Variants in LRRTM2 observed in about 807,000 individuals in gnomAD.
The protein encoded by LRRTM2 is leucine rich repeat transmembrane neuronal 2, also known as leucine-rich repeat transmembrane neuronal protein 2.
Under a neutral mutation model 40.7 loss-of-function variants are expected in LRRTM2, and 14 were observed. The observed-to-expected ratio is 0.34, with a 90% CI of 0.23 to 0.54. The LOEUF is 0.54. Among genes scored for constraint, LRRTM2 ranks in the 20% least tolerant of loss-of-function variants. The probability of loss-of-function intolerance (pLI) is 0.92; values close to 1 mark genes in which losing one functional copy is unlikely to be tolerated. For missense variants in LRRTM2, 468 were observed against 624.4 expected, an observed-to-expected ratio of 0.75 and a Z score of 2.67; for synonymous variants, 223 against 237.6, an observed-to-expected ratio of 0.94 and a Z score of 0.57.
rs370259988 is a variant in LRRTM2 at position 138,872,027 on chromosome 5, A to AGTGTGTGTGTGTGT, written c.*969_*982dup. On this transcript the variant is annotated 3_prime_UTR_variant, in exon 2 of 2. Transcript: ENST00000274711. ...TGATAGTTGAGAGAGAGAGCGCGAG[A>AGTGTGTGTGTGTGT]GTGTGTGTGTGTGTGTGTGTGTGTG... The AGTGTGTGTGTGTGT allele has an allele frequency of 7.5e-6, 1 of 133,066 alleles. No individual in the cohort carries two copies. The highest frequency in any genetic ancestry group is 1.6e-5 in the Non-Finnish European group (1 of 61,996). 8.2% of individuals were successfully genotyped at this position (133,066 alleles called of 1,614,324 possible).
In LRRTM2 at chr5:138,873,612, C is replaced by G. The variant is rs370649836; in HGVS notation, c.949G>C (p.Ala317Pro). The change falls in exon 2 of 2, where the codon GCC becomes CCC. Residue 317 changes from alanine (A) to proline (P), a missense_variant. Ala to Pro is a conservative substitution (Grantham distance 27). Coordinates refer to ENST00000274711, the MANE Select transcript of LRRTM2 (RefSeq NM_015564.3). The surrounding 1 kb of genome is among the most constrained non-coding windows in gnomAD (Gnocchi z 6.1). ...GLSGNLWECS[A>P]RICALASWLG... ...CAGGAGGCCAGAGCACATATTCGGG[C>G]GCTGCATTCCCACAGATTGCCAGAG... 6.2e-7 allele frequency: 1 copy of G among 1,613,828 alleles called. No homozygotes were observed. Among genetic ancestry groups the G allele is most frequent in the African/African-American group, 1.3e-5 (1 of 74,910 alleles).
chr5:138,874,149 A>G lies in LRRTM2; in HGVS notation c.412T>C (p.Leu138=). 2 of 1,613,790 alleles carry G rather than the reference A, an allele frequency of 1.2e-6. No homozygotes were observed. Among genetic ancestry groups the G allele is most frequent in the Non-Finnish European group, 1.7e-6 (2 of 1,179,756 alleles). The change falls in exon 2 of 2, where the codon TTG becomes CTG. Residue 138 remains leucine, a synonymous_variant. Transcript: ENST00000274711. This position sits in a 1 kb window ranked among gnomAD's most constrained non-coding sequence, Gnocchi z 4.1. ...TFTQLINLQN[L]DLSFNQLSSL... is the part of the protein sequence containing the mutation. Reference sequence around the variant, plus strand: ...GACAGCTGATTAAAAGACAGGTCCAAATTTTGCAGGTTAATCAGTTGGGTA... The same window carrying G: ...GACAGCTGATTAAAAGACAGGTCCAGATTTTGCAGGTTAATCAGTTGGGTA...
In LRRTM2 at chr5:138,871,459, T is replaced by C. The variant is rs1445716295; in HGVS notation, c.*1551A>G. On this transcript the variant is annotated 3_prime_UTR_variant, in exon 2 of 2. Coordinates refer to ENST00000274711, the MANE Select transcript of LRRTM2 (RefSeq NM_015564.3). ...AGAAATCATAATACAAGAAACTGAA[T>C]ACCTGTGGTTCTTTTCTGCATGAAA... is the stretch of plus-strand genomic sequence containing the variant. 1.3e-5 allele frequency: 2 copies of C among 152,260 alleles called. No homozygotes were observed. Among genetic ancestry groups the C allele is most frequent in the African/African-American group, 2.4e-5 (1 of 41,478 alleles). The allele number at this position is 152,260 out of a possible 1,614,324, so 9.4% of individuals were successfully genotyped here.
In LRRTM2 at chr5:138,872,023, C is replaced by CAA. The variant is rs1750690371; in HGVS notation, c.*986_*987insTT. On this transcript the variant is annotated 3_prime_UTR_variant, in exon 2 of 2. Coordinates refer to ENST00000274711, the MANE Select transcript of LRRTM2 (RefSeq NM_015564.3). Reference sequence around the variant, plus strand: ...ATCATGATAGTTGAGAGAGAGAGCGCGAGAGTGTGTGTGTGTGTGTGTGTG... The same window carrying CAA: ...ATCATGATAGTTGAGAGAGAGAGCGCAAGAGAGTGTGTGTGTGTGTGTGTGTG... The CAA allele has an allele frequency of 8.3e-6, 1 of 120,520 alleles. No homozygotes were observed. The highest frequency in any genetic ancestry group is 3.1e-5 in the African/African-American group (1 of 31,952). The allele number at this position is 120,520 out of a possible 1,614,324, so 7.5% of individuals were successfully genotyped here. A position where few individuals can be genotyped will look rare whatever the true frequency, so the allele number is the denominator to read the frequency against.
At position 138,875,314 on chromosome 5, in the gene LRRTM2, T is replaced by C; in HGVS notation, c.-403A>G. 2.3e-6 allele frequency: 2 copies of C among 877,106 alleles called. No homozygotes were observed. Among genetic ancestry groups the C allele is most frequent in the Non-Finnish European group, 1.4e-6 (1 of 724,384 alleles). The allele number at this position is 877,106 out of a possible 1,614,324, so 54.3% of individuals were successfully genotyped here. A position where few individuals can be genotyped will look rare whatever the true frequency, so the allele number is the denominator to read the frequency against. Reference sequence around the variant, plus strand: ...CATGAGTGCATTTACTGAAAAGCTTTTCCGAGAAACGGCACAAGAATGGAT... The same window carrying C: ...CATGAGTGCATTTACTGAAAAGCTTCTCCGAGAAACGGCACAAGAATGGAT... On this transcript the variant is annotated 5_prime_UTR_variant, in exon 1 of 2. Transcript: ENST00000274711.
At position 138,870,216 on chromosome 5, in the gene LRRTM2, T is replaced by C. The variant is rs1416830658; in HGVS notation, c.*2794A>G. The C allele has an allele frequency of 1.3e-5, 2 of 152,266 alleles. No homozygotes were observed. Among genetic ancestry groups the C allele is most frequent in the Admixed American group, 6.5e-5 (1 of 15,290 alleles). The allele number at this position is 152,266 out of a possible 1,614,324, so 9.4% of individuals were successfully genotyped here. ...GCGTTGCTGTGATGCTGTTCCGTTC[T>C]AGCCAGTTGGTAAAGAAAGCACAGA... On this transcript the variant is annotated 3_prime_UTR_variant, in exon 2 of 2. Coordinates refer to ENST00000274711, the MANE Select transcript of LRRTM2 (RefSeq NM_015564.3).
Position 138,872,996 on chromosome 5 carries a change from A to G in LRRTM2, c.*14T>C, listed in dbSNP as rs773742204. ...GGTTACTTATCTGATGTGATTTTTG[A>G]TGATGGGTAGATATTATACTTCACA... On this transcript the variant is annotated 3_prime_UTR_variant, in exon 2 of 2. Coordinates refer to ENST00000274711, the MANE Select transcript of LRRTM2 (RefSeq NM_015564.3). 1 of 1,551,682 alleles carries G rather than the reference A, an allele frequency of 6.4e-7. No individual in the cohort carries two copies. Among genetic ancestry groups the G allele is most frequent in the South Asian group, 1.2e-5 (1 of 83,176 alleles).
Position 138,872,949 on chromosome 5 carries a change from T to G in LRRTM2, c.*61A>C, listed in dbSNP as rs1750819221. 8.1e-7 allele frequency: 1 copy of G among 1,231,442 alleles called. No homozygotes were observed. Among genetic ancestry groups the G allele is most frequent in the East Asian group, 2.4e-5 (1 of 42,354 alleles). The allele number at this position is 1,231,442 out of a possible 1,614,324, so 76.3% of individuals were successfully genotyped here. On this transcript the variant is annotated 3_prime_UTR_variant, in exon 2 of 2. Coordinates refer to ENST00000274711, the MANE Select transcript of LRRTM2 (RefSeq NM_015564.3). ...CCATTGGTAAAAATTAGATATGTAT[T>G]TAGCCTCTACTATGTAAAATAGGTT... is the stretch of plus-strand genomic sequence containing the variant.
chr5:138,873,205 T>G lies in LRRTM2; in HGVS notation c.1356A>C (p.Leu452Phe). Residue 452 changes from leucine (L) to phenylalanine (F), a missense_variant, in exon 2 of 2, where the codon TTA becomes TTC. Physicochemically the swap from Leu to Phe is conservative, Grantham distance 22. Coordinates refer to ENST00000274711, the MANE Select transcript of LRRTM2 (RefSeq NM_015564.3). This position sits in a 1 kb window ranked among gnomAD's most constrained non-coding sequence, Gnocchi z 6.1. ...CCATTGAGCACTGCCTAATTCTTCT[T>G]AAAGTGGGAGGGCAGCACTTCCTGG... Reference protein sequence around the residue: ...FISRKCCPPTLRRIRQCSMVQ... With the variant: ...FISRKCCPPTFRRIRQCSMVQ... The G allele has an allele frequency of 6.2e-7, 1 of 1,613,960 alleles. No individual in the cohort carries two copies. The highest frequency in any genetic ancestry group is 8.5e-7 in the Non-Finnish European group (1 of 1,179,892).
In LRRTM2 at chr5:138,874,880, T is replaced by C; in HGVS notation, c.4+28A>G. ...TAAAAGCGTGATTCCTTGTTGAATG[T>C]ACAAGACATATAAATGCACAGACTT... On this transcript the variant is annotated intron_variant, in intron 1 of 1. Coordinates refer to ENST00000274711, the MANE Select transcript of LRRTM2 (RefSeq NM_015564.3). The surrounding 1 kb of genome is among the most constrained non-coding windows in gnomAD (Gnocchi z 4.1). The C allele has an allele frequency of 1.2e-6, 2 of 1,602,874 alleles. No individual in the cohort carries two copies. The highest frequency in any genetic ancestry group is 1.7e-6 in the Non-Finnish European group (2 of 1,172,448).
Position 138,872,940 on chromosome 5 carries a change from G to A in LRRTM2, c.*70C>T. 1 of 1,089,730 alleles carries A rather than the reference G, an allele frequency of 9.2e-7. No individual in the cohort carries two copies. The highest frequency in any genetic ancestry group is 2.1e-5 in the South Asian group (1 of 47,430). 67.5% of individuals were successfully genotyped at this position (1,089,730 alleles called of 1,614,324 possible). A position where few individuals can be genotyped will look rare whatever the true frequency, so the allele number is the denominator to read the frequency against. On this transcript the variant is annotated 3_prime_UTR_variant, in exon 2 of 2. Coordinates refer to ENST00000274711, the MANE Select transcript of LRRTM2 (RefSeq NM_015564.3). Reference sequence around the variant, plus strand: ...TTAATGTCACCATTGGTAAAAATTAGATATGTATTTAGCCTCTACTATGTA... The same window carrying A: ...TTAATGTCACCATTGGTAAAAATTAAATATGTATTTAGCCTCTACTATGTA...
In LRRTM2 at chr5:138,872,971, G is replaced by C. The variant is rs1192906446; in HGVS notation, c.*39C>G. ...TATTTAGCCTCTACTATGTAAAATA[G>C]GTTACTTATCTGATGTGATTTTTGA... On this transcript the variant is annotated 3_prime_UTR_variant, in exon 2 of 2. Transcript: ENST00000274711. 1 of 1,426,410 alleles carries C rather than the reference G, an allele frequency of 7.0e-7. No individual in the cohort carries two copies. The highest frequency in any genetic ancestry group is 1.4e-5 in the South Asian group (1 of 73,930). The allele number at this position is 1,426,410 out of a possible 1,614,324, so 88.4% of individuals were successfully genotyped here. A position where few individuals can be genotyped will look rare whatever the true frequency, so the allele number is the denominator to read the frequency against.
rs768694121 is a variant in LRRTM2 at position 138,873,339 on chromosome 5, C to G, written c.1222G>C (p.Glu408Gln). The change falls in exon 2 of 2, where the codon GAG becomes CAG. Residue 408 changes from glutamate to glutamine, a missense_variant. Coordinates refer to ENST00000274711, the MANE Select transcript of LRRTM2 (RefSeq NM_015564.3). This position sits in a 1 kb window ranked among gnomAD's most constrained non-coding sequence, Gnocchi z 6.1. ...TTGTCTGGTTCAGGAAAGTGTTCCTCGGTAGTAACTGCTATGCCTGCAGTA... is the reference window on the plus strand; with the variant it reads ...TTGTCTGGTTCAGGAAAGTGTTCCTGGGTAGTAACTGCTATGCCTGCAGTA... ...PTTAGIAVTT[E>Q]EHFPEPDNAI... 6.2e-7 allele frequency: 1 copy of G among 1,614,028 alleles called. No individual in the cohort carries two copies. The highest frequency in any genetic ancestry group is 8.5e-7 in the Non-Finnish European group (1 of 1,179,880).
At position 138,875,027 on chromosome 5, in the gene LRRTM2, C is replaced by T; in HGVS notation, c.-116G>A. On this transcript the variant is annotated 5_prime_UTR_variant, in exon 1 of 2. Coordinates refer to ENST00000274711, the MANE Select transcript of LRRTM2 (RefSeq NM_015564.3). ...GACCAGTTTCCTGTTTTCTGTGTCC[C>T]AGGCTTTCCAAGTAAAATTGAATCC... 1 of 1,019,442 alleles carries T rather than the reference C, an allele frequency of 9.8e-7. No individual in the cohort carries two copies. The highest frequency in any genetic ancestry group is 1.5e-6 in the Non-Finnish European group (1 of 671,798). The allele number at this position is 1,019,442 out of a possible 1,614,324, so 63.1% of individuals were successfully genotyped here.
Position 138,873,816 on chromosome 5 carries a change from C to G in LRRTM2, c.745G>C (p.Glu249Gln). 1.9e-6 allele frequency: 3 copies of G among 1,614,038 alleles called. No individual in the cohort carries two copies. The highest frequency in any genetic ancestry group is 2.5e-6 in the Non-Finnish European group (3 of 1,179,896). Reference sequence around the variant, plus strand: ...TTTTCTAAAGTGCCCCAGGTCCACTCCATCCCACATGTCAAGTTGCTGATT... The same window carrying G: ...TTTTCTAAAGTGCCCCAGGTCCACTGCATCCCACATGTCAAGTTGCTGATT... Reference protein sequence around the residue: ...NKISNLTCGMEWTWGTLEKLD... With the variant: ...NKISNLTCGMQWTWGTLEKLD... Residue 249 changes from glutamate (E) to glutamine (Q), a missense_variant, in exon 2 of 2, where the codon GAG (glutamate) becomes CAG (glutamine). Transcript: ENST00000274711. This position sits in a 1 kb window ranked among gnomAD's most constrained non-coding sequence, Gnocchi z 6.1.
chr5:138,872,805 T>C lies in LRRTM2; in HGVS notation c.*205A>G, dbSNP rs1309746601. 5 of 457,002 alleles carry C rather than the reference T, an allele frequency of 1.1e-5. No homozygotes were observed. Among genetic ancestry groups the C allele is most frequent in the African/African-American group, 1.0e-4 (5 of 50,048 alleles). 28.3% of individuals were successfully genotyped at this position (457,002 alleles called of 1,614,324 possible). A position where few individuals can be genotyped will look rare whatever the true frequency, so the allele number is the denominator to read the frequency against. On this transcript the variant is annotated 3_prime_UTR_variant, in exon 2 of 2. Coordinates refer to ENST00000274711, the MANE Select transcript of LRRTM2 (RefSeq NM_015564.3). ...TTAGACTTTCCAACAGGAGTGCAAA[T>C]TAATGTGAGCATTGATTCATTTAAC...
chr5:138,869,899 G>A lies in LRRTM2; in HGVS notation c.*3111C>T, dbSNP rs1266389421. On this transcript the variant is annotated 3_prime_UTR_variant, in exon 2 of 2. Coordinates refer to ENST00000274711, the MANE Select transcript of LRRTM2 (RefSeq NM_015564.3). ...AGTGGGTATTCTCAGAGTTGTGTGT[G>A]GATTTACAAGTTTATCAGCCCACTC... The A allele has an allele frequency of 6.6e-6, 1 of 152,492 alleles. No homozygotes were observed. The highest frequency in any genetic ancestry group is 1.5e-5 in the Non-Finnish European group (1 of 68,006). 9.4% of individuals were successfully genotyped at this position (152,492 alleles called of 1,614,324 possible). A position where few individuals can be genotyped will look rare whatever the true frequency, so the allele number is the denominator to read the frequency against.
rs1387112158 is a variant in LRRTM2 at position 138,870,644 on chromosome 5, G to C, written c.*2366C>G. The C allele has an allele frequency of 1.2e-4, 19 of 152,316 alleles. No homozygotes were observed. The East Asian group carries it at 3.5e-3, about 28-fold the overall frequency. 9.4% of individuals were successfully genotyped at this position (152,316 alleles called of 1,614,324 possible). A position where few individuals can be genotyped will look rare whatever the true frequency, so the allele number is the denominator to read the frequency against. ...CACAGTTTAAATCTTAATTTTGTTT[G>C]TGGTTTGAAATGATGGAAAATACTC... On this transcript the variant is annotated 3_prime_UTR_variant, in exon 2 of 2. Coordinates refer to ENST00000274711, the MANE Select transcript of LRRTM2 (RefSeq NM_015564.3).
chr5:138,874,897 C>G lies in LRRTM2; in HGVS notation c.4+11G>C. 6 of 1,612,592 alleles carry G rather than the reference C, an allele frequency of 3.7e-6. No individual in the cohort carries two copies. Among genetic ancestry groups the G allele is most frequent in the Non-Finnish European group, 4.2e-6 (5 of 1,179,080 alleles). On this transcript the variant is annotated intron_variant, in intron 1 of 1. Transcript: ENST00000274711. The surrounding 1 kb of genome is among the most constrained non-coding windows in gnomAD (Gnocchi z 4.1). Reference sequence around the variant, plus strand: ...GTTGAATGTACAAGACATATAAATGCACAGACTTACCCATTCTTCTGAGCA... The same window carrying G: ...GTTGAATGTACAAGACATATAAATGGACAGACTTACCCATTCTTCTGAGCA...
Sources: allele counts gnomAD v4.1 joint callset, GRCh38; gene constraint gnomAD v4.1.1; non-coding constraint Gnocchi (gnomAD v3.1); transcripts MANE v1.5; gene names NCBI Gene and HGNC (gene_info 2026-07-23, HGNC 2026-07-21).